SEC24D: variants seen among roughly 807,000 people sequenced by gnomAD.
SEC24D encodes protein transport protein Sec24D.
A neutral mutation model predicts 116.9 loss-of-function variants in SEC24D; 69 were observed. The ratio of observed to expected loss-of-function variants is 0.59; its 90% CI spans 0.49 to 0.72. The LOEUF (loss-of-function observed/expected upper bound fraction) is 0.72, where lower values mean the gene tolerates loss of function less well. SEC24D is among the 30% of genes least tolerant of loss of function. SEC24D has a pLI of 0.00. For missense variants in SEC24D, 1,131 were observed against 1,264.1 expected (o/e 0.89, Z 1.60); for synonymous variants, 405 against 442.8 (o/e 0.91, Z 1.07).
chr4:118,729,435 A>C (rs564592053), intron 21 of SEC24D: 9 of 152,332 alleles, frequency 5.9e-5, no homozygotes, highest in Non-Finnish European at 1.2e-4. Context: ...ACTTCCTGTG[A>C]AAGTTTGATC....
rs10020345 is a variant in SEC24D, at chr4:118,764,504, C to T, written c.1296+298G>A. The T allele has an allele frequency of 9.9e-3, 2,105 of 211,596 alleles. 42 individuals carry two copies. Among genetic ancestry groups the T allele is most frequent in the African/African-American group, 0.045 (1,961 of 43,212 alleles). The allele number at this position is 211,596 out of a possible 1,614,324, so 13.1% of individuals were successfully genotyped here. A position where few individuals can be genotyped will look rare whatever the true frequency, so the allele number is the denominator to read the frequency against. ...AAATAAGGGAGGCAGAGGCACTGTA[C>T]GGAACTACTGCATTAAGAACCAGGT... On this transcript the variant is annotated intron_variant, in intron 10 of 22. Coordinates refer to ENST00000280551, the MANE Select transcript of SEC24D (RefSeq NM_014822.4).
chr4:118,810,132 GT>G lies in SEC24D; in HGVS notation c.802-4179del, dbSNP rs1560737287. On this transcript the variant is annotated intron_variant, in intron 6 of 22. Coordinates refer to ENST00000280551, the MANE Select transcript of SEC24D (RefSeq NM_014822.4). ...TGTGTGTGTGTGTGTGTGTGTGTGTGTGTGTCAGAGGGTATAGGGGAGCCAG... is the reference window on the plus strand; with the variant it reads ...TGTGTGTGTGTGTGTGTGTGTGTGTGGTGTCAGAGGGTATAGGGGAGCCAG... Among the ~76,000 whole-genome samples, 694 of 123,590 alleles carry G rather than the reference GT, an allele frequency of 5.6e-3. 21 individuals are homozygous for G. The highest frequency in any genetic ancestry group is 0.021 in the Admixed American group (217 of 10,296). The allele number at this position is 123,590 out of a possible 152,430, so 81.1% of individuals were successfully genotyped here. A position where few individuals can be genotyped will look rare whatever the true frequency, so the allele number is the denominator to read the frequency against.
At chr4:118,813,183 C>T in intron 6 of SEC24D, among the ~76,000 whole-genome samples, 1 of 152,074 alleles carries the variant, frequency 6.6e-6, no homozygotes, top group South Asian at 2.1e-4. Context: ...GAAGAAGACA[C>T]AAAGAGAAGG....
At chr4:118,815,894 T>C (rs757739786) in intron 4 of SEC24D, among the ~76,000 whole-genome samples, 168 bp from the exon 5 acceptor site, 3 of 152,120 alleles carry the variant, frequency 2.0e-5, no homozygotes, top group Admixed American at 6.5e-5. Flanking sequence ...ATTCAGAAAA[T>C]AGAACAAACG....
chr4:118,723,054 T>TA lies in SEC24D; in HGVS notation c.*460dup. Reference sequence around the variant, plus strand: ...TATTAAAAGTCTGCTATGCAGACCTTAAGTTGAAAAATGTGTTCAATGGAG... The same window carrying TA: ...TATTAAAAGTCTGCTATGCAGACCTTAAAGTTGAAAAATGTGTTCAATGGAG... On this transcript the variant is annotated 3_prime_UTR_variant, in exon 23 of 23. Coordinates refer to ENST00000280551, the MANE Select transcript of SEC24D (RefSeq NM_014822.4). The TA allele has an allele frequency of 6.5e-6, 1 of 152,860 alleles. No individual in the cohort carries two copies. Among genetic ancestry groups the TA allele is most frequent in the East Asian group, 1.9e-4 (1 of 5,188 alleles). The allele number at this position is 152,860 out of a possible 1,614,324, so 9.5% of individuals were successfully genotyped here.
At chr4:118,773,777 T>C (rs1366213462) in intron 8 of SEC24D, among the ~76,000 whole-genome samples, 1 of 152,180 alleles carries the variant, frequency 6.6e-6, no homozygotes, top group Admixed American at 6.5e-5. Flanking sequence ...GAAAGAGAAA[T>C]GAGAAGCAGC....
At chr4:118,792,600 C>G (rs573550423) in intron 8 of SEC24D, among the ~76,000 whole-genome samples, 6 of 152,206 alleles carry the variant, frequency 3.9e-5, no homozygotes, top group African/African-American at 1.4e-4. Context: ...TCCCCAACCC[C>G]GTGCTCTCTG....
Position 118,815,541 on chromosome 4 carries a change from C to T in SEC24D, c.583G>A (p.Gly195Arg), listed in dbSNP as rs1469450838. Reference protein sequence around the residue: ...PLPLPMYRPDGLSGPPPPNAQ... With the variant: ...PLPLPMYRPDRLSGPPPPNAQ... ...TTTGGAGGAGGAGGCCCAGAGAGCCCATCTGGTCTGTACATTGGTAGAGGC... is the reference window on the plus strand; with the variant it reads ...TTTGGAGGAGGAGGCCCAGAGAGCCTATCTGGTCTGTACATTGGTAGAGGC... The change falls in exon 5 of 23, where the codon GGG (glycine) becomes AGG (arginine). Residue 195 changes from glycine (G) to arginine (R), a missense_variant. Coordinates refer to ENST00000280551, the MANE Select transcript of SEC24D (RefSeq NM_014822.4). 1 of 1,614,130 alleles carries T rather than the reference C, an allele frequency of 6.2e-7. No individual in the cohort carries two copies. The highest frequency in any genetic ancestry group is 1.7e-5 in the Admixed American group (1 of 60,024).
rs1252862585 is a variant in SEC24D at position 118,815,531 on chromosome 4, C to T, written c.593G>A (p.Gly198Glu). The T allele has an allele frequency of 2.5e-6, 4 of 1,614,086 alleles. No homozygotes were observed. The highest frequency in any genetic ancestry group is 3.4e-6 in the Non-Finnish European group (4 of 1,180,014). ...GTACTGGGCATTTGGAGGAGGAGGC[C>T]CAGAGAGCCCATCTGGTCTGTACAT... Reference protein sequence around the residue: ...LPMYRPDGLSGPPPPNAQYQP... With the variant: ...LPMYRPDGLSEPPPPNAQYQP... Residue 198 changes from glycine to glutamate, a missense_variant, in exon 5 of 23, where the codon GGG (glycine) becomes GAG (glutamate). Gly to Glu is a moderately conservative substitution (Grantham distance 98). Transcript: ENST00000280551.
intron 4 of SEC24D, chr4:118,816,647 T>C: frequency 3.5e-6 from 1 of 286,840 alleles, no homozygotes; most frequent in Non-Finnish European, 6.9e-6. Flanking sequence ...GTTTTAATGA[T>C]ACTTCAGAAA....
chr4:118,724,939 C>T (rs536612393), intron 22 of SEC24D, among the ~76,000 whole-genome samples: 3 of 152,318 alleles, frequency 2.0e-5, no homozygotes, highest in Non-Finnish European at 4.4e-5. Context: ...ATGCAGTTAG[C>T]TGCTTCACCA....
chr4:118,802,310 G>A (rs1449917397), intron 7 of SEC24D, among the ~76,000 whole-genome samples: 2 of 152,134 alleles, frequency 1.3e-5, no homozygotes, highest in Admixed American at 1.3e-4. Context: ...ACTTTTCTTT[G>A]TTGGCTCTGA....
In SEC24D at chr4:118,772,506, T is replaced by C. The variant is rs576620665; in HGVS notation, c.1042-4195A>G. On this transcript the variant is annotated intron_variant, in intron 8 of 22. Coordinates refer to ENST00000280551, the MANE Select transcript of SEC24D (RefSeq NM_014822.4). ...TATAGAAACTACAGAATGTGCCACA[T>C]TTACTAATTGCCAAGAAAAACTTAT... Among the ~76,000 whole-genome samples, 4 of 152,328 alleles carry C rather than the reference T, an allele frequency of 2.6e-5. No individual in the cohort carries two copies. The East Asian group carries it at 7.7e-4, about 29-fold the overall frequency.
In SEC24D at chr4:118,752,865, G is replaced by T; in HGVS notation, c.1445C>A (p.Ala482Glu). ...IPKEEQEETS[A>E]IRVGFITYNK... ...ATATGTGATAAAACCCACTCGAATT[G>T]CAGACGTCTCTTCTTGCTCTTCCCT... The change falls in exon 12 of 23, where the codon GCA becomes GAA. Residue 482 changes from alanine to glutamate, a missense_variant. Coordinates refer to ENST00000280551, the MANE Select transcript of SEC24D (RefSeq NM_014822.4). 6.3e-7 allele frequency: 1 copy of T among 1,584,468 alleles called. No individual in the cohort carries two copies. The highest frequency in any genetic ancestry group is 8.5e-7 in the Non-Finnish European group (1 of 1,169,768).
At chr4:118,777,937 T>C (rs1728222058) in intron 8 of SEC24D, among the ~76,000 whole-genome samples, 1 of 152,226 alleles carries the variant, frequency 6.6e-6, no homozygotes, top group African/African-American at 2.4e-5. Context: ...TCATATCCTT[T>C]GCCACTTTTT....
At chr4:118,798,087 T>A (rs1729260719) in intron 7 of SEC24D, among the ~76,000 whole-genome samples, 1 of 152,148 alleles carries the variant, frequency 6.6e-6, no homozygotes, top group African/African-American at 2.4e-5. Flanking sequence ...ATAAGCAGAG[T>A]CTTAATATAG....
At chr4:118,802,623 C>T (rs1410315536) in intron 7 of SEC24D, among the ~76,000 whole-genome samples, 1 of 152,196 alleles carries the variant, frequency 6.6e-6, no homozygotes, top group African/African-American at 2.4e-5. Context: ...AGGCTGCAGG[C>T]TAAGGAGAGA....
chr4:118,773,466 T>C (rs1728001751), intron 8 of SEC24D, among the ~76,000 whole-genome samples: 1 of 152,220 alleles, frequency 6.6e-6, no homozygotes, highest in Non-Finnish European at 1.5e-5. Flanking sequence ...CTATTGTCAA[T>C]GTAACTTTGG....
chr4:118,803,258 T>C (rs917009600), intron 7 of SEC24D, among the ~76,000 whole-genome samples: 1 of 152,206 alleles, frequency 6.6e-6, no homozygotes, highest in African/African-American at 2.4e-5. Context: ...TAATAAATTT[T>C]ATGTTATATA....
Sources: allele counts gnomAD v4.1 joint callset (sites outside exome capture counted in the v4.1 genomes callset), GRCh38; gene constraint gnomAD v4.1.1; transcripts MANE v1.5; gene names NCBI Gene and HGNC (gene_info 2026-07-23, HGNC 2026-07-21).